Variants in CRIM1 observed in about 807,000 individuals in gnomAD.
CRIM1 encodes the protein cysteine-rich motor neuron 1 protein.
Under a neutral mutation model 116.4 loss-of-function variants are expected in CRIM1, and 32 were observed. The observed-to-expected ratio is 0.27, with a 90% CI of 0.21 to 0.37. CRIM1 has a LOEUF of 0.37. CRIM1 is among the 10% of genes least tolerant of loss of function. The pLI is 1.00. For missense variants in CRIM1, 1,331 were observed against 1,354.8 expected, an observed-to-expected ratio of 0.98 and a Z score of 0.28; for synonymous variants, 590 against 509.2, an observed-to-expected ratio of 1.16 and a Z score of -2.13.
At chr2:36,503,433 C>G (rs200093191) in intron 8 of CRIM1, among the ~76,000 whole-genome samples, 1 of 152,024 alleles carries the variant, frequency 6.6e-6, no homozygotes, top group Non-Finnish European at 1.5e-5. Context: ...AAAGCTAACT[C>G]TGGCTGGCAT....
chr2:36,361,828 G>C (rs1471104972), intron 1 of CRIM1, among the ~76,000 whole-genome samples: 1 of 152,136 alleles, frequency 6.6e-6, no homozygotes, highest in Non-Finnish European at 1.5e-5. Flanking sequence ...GGCACGTTTG[G>C]TATCAGGATT....
At chr2:36,382,138 A>T (rs1389238087) in intron 1 of CRIM1, among the ~76,000 whole-genome samples, 2 of 152,348 alleles carry the variant, frequency 1.3e-5, no homozygotes, top group South Asian at 4.1e-4. Context: ...CCTTTGGCAG[A>T]ATCAGGATGC....
chr2:36,526,835 A>G (rs1665791799), intron 13 of CRIM1, among the ~76,000 whole-genome samples: 1 of 152,210 alleles, frequency 6.6e-6, no homozygotes, highest in Non-Finnish European at 1.5e-5. Context: ...AGGATTTTCA[A>G]GCCCACTTCA....
At position 36,468,917 on chromosome 2, in the gene CRIM1, A is replaced by G. The variant is rs76493450; in HGVS notation, c.991+4262A>G. On this transcript the variant is annotated intron_variant, in intron 5 of 16. Coordinates refer to ENST00000280527, the MANE Select transcript of CRIM1 (RefSeq NM_016441.3). ...ATAAAATGGAATATCTTGGTTGGAA[A>G]GTCGTAGCCAAAAGCTGACTCTGTC... Among the ~76,000 whole-genome samples, 4 of 152,352 alleles carry G rather than the reference A, an allele frequency of 2.6e-5. No individual in the cohort carries two copies. In the South Asian group the frequency reaches 8.3e-4, roughly 32 times the overall value.
chr2:36,483,327 A>G (rs930083283), intron 7 of CRIM1, among the ~76,000 whole-genome samples: 4 of 152,258 alleles, frequency 2.6e-5, no homozygotes, highest in African/African-American at 9.6e-5. Context: ...GGACGGCAGA[A>G]TTAGGTCTTC....
intron 4 of CRIM1, among the ~76,000 whole-genome samples, chr2:36,455,152 C>T (rs2124980556): frequency 6.6e-6 from 1 of 152,256 alleles, no homozygotes; most frequent in South Asian, 2.1e-4. Flanking sequence ...GGATGTGTGA[C>T]TTCAGAGAGT....
chr2:36,476,778 A>G (rs1679004659), intron 5 of CRIM1, 111 bp from the exon 6 acceptor site: 1 of 806,846 alleles, frequency 1.2e-6, no homozygotes, highest in Non-Finnish European at 2.0e-6. Flanking sequence ...GTAAATTTCC[A>G]TCAACTTATA....
At chr2:36,389,944 C>T (rs541084728) in intron 1 of CRIM1, among the ~76,000 whole-genome samples, 1 of 152,188 alleles carries the variant, frequency 6.6e-6, no homozygotes, top group East Asian at 1.9e-4. Flanking sequence ...ATCTGGTGTT[C>T]GTTATGCCTC....
chr2:36,450,916 T>TC (rs1676668253), intron 4 of CRIM1, among the ~76,000 whole-genome samples: 1 of 152,198 alleles, frequency 6.6e-6, no homozygotes, highest in South Asian at 2.1e-4. Flanking sequence ...ATAGAGATGT[T>TC]TAGAAGAAGT....
At chr2:36,437,741 A>G (rs568453020) in intron 2 of CRIM1, among the ~76,000 whole-genome samples, 2 of 152,310 alleles carry the variant, frequency 1.3e-5, no homozygotes, top group Admixed American at 1.3e-4. Context: ...CTTTTATTAC[A>G]AAGGCAGCTC....
At chr2:36,544,284 C>G (rs1667157642) in intron 14 of CRIM1, 92 bp from the exon 15 acceptor site, 1 of 1,152,768 alleles carries the variant, frequency 8.7e-7, no homozygotes, top group Non-Finnish European at 1.1e-6. Context: ...GAAATGTGGT[C>G]TTGAATTGAG....
At chr2:36,427,207 A>T (rs1463553343) in intron 2 of CRIM1, among the ~76,000 whole-genome samples, 1 of 151,924 alleles carries the variant, frequency 6.6e-6, no homozygotes, top group Non-Finnish European at 1.5e-5. Flanking sequence ...TCTCAAAAAA[A>T]AAAAAGAAAG....
At chr2:36,480,884 T>C (rs1326156035) in intron 7 of CRIM1, among the ~76,000 whole-genome samples, 1 of 152,096 alleles carries the variant, frequency 6.6e-6, no homozygotes, top group Non-Finnish European at 1.5e-5. Context: ...AAGGCAGCAT[T>C]TCAGTGCTGA....
At chr2:36,442,871 T>G (rs1201737542) in intron 4 of CRIM1, 136 bp downstream of exon 4, 1 of 980,616 alleles carries the variant, frequency 1.0e-6, no homozygotes, top group Non-Finnish European at 1.6e-6. Context: ...ACTGAACTGT[T>G]TGCATTACTT....
chr2:36,519,834 C>T (rs910184257), intron 12 of CRIM1, among the ~76,000 whole-genome samples: 1 of 152,166 alleles, frequency 6.6e-6, no homozygotes, highest in Non-Finnish European at 1.5e-5. Flanking sequence ...GGTAAAATAG[C>T]ACTTGTTTCT....
At position 36,356,679 on chromosome 2, in the gene CRIM1, C is replaced by G. The variant is rs1668831613; in HGVS notation, c.331+56C>G. On this transcript the variant is annotated intron_variant, in intron 1 of 16. Coordinates refer to ENST00000280527, the MANE Select transcript of CRIM1 (RefSeq NM_016441.3). The surrounding 1 kb of genome is among the most constrained non-coding windows in gnomAD (Gnocchi z 4.3). ...CCTGGCCTGCGCCGCCCCCTCGGCG[C>G]TGGTTGTGCCGAACAAAGTTTGGGC... The G allele has an allele frequency of 1.3e-6, 2 of 1,518,326 alleles. No homozygotes were observed. The highest frequency in any genetic ancestry group is 1.4e-5 in the African/African-American group (1 of 72,530). 94.1% of individuals were successfully genotyped at this position (1,518,326 alleles called of 1,614,324 possible). A position where few individuals can be genotyped will look rare whatever the true frequency, so the allele number is the denominator to read the frequency against.
chr2:36,484,938 C>T (rs1409021322), intron 7 of CRIM1, among the ~76,000 whole-genome samples: 2 of 152,200 alleles, frequency 1.3e-5, no homozygotes. Flanking sequence ...AATCCATGTT[C>T]TATCTCTAAC....
intron 13 of CRIM1, 31 bp from the exon 14 acceptor site, chr2:36,537,321 C>T (rs372407821): frequency 1.4e-5 from 22 of 1,600,046 alleles, no homozygotes; most frequent in African/African-American, 6.7e-5. Context: ...GTCACATCAG[C>T]GACTCCATCA....
intron 13 of CRIM1, among the ~76,000 whole-genome samples, chr2:36,522,539 C>T (rs1245298890): frequency 3.3e-5 from 5 of 152,096 alleles, no homozygotes; most frequent in South Asian, 2.1e-4. Flanking sequence ...TGGTGGCTCA[C>T]GCCTGCAATC....
Sources: gnomAD v4.1 joint callset for allele counts (sites outside exome capture counted in the v4.1 genomes callset) on GRCh38, gnomAD v4.1.1 for gene constraint, Gnocchi (gnomAD v3.1) non-coding constraint, MANE v1.5 for transcripts, NCBI Gene and HGNC (gene_info 2026-07-23, HGNC 2026-07-21) for gene names.